Variants in RANBP17 observed in about 807,000 individuals in gnomAD.
RANBP17 encodes ran-binding protein 17.
In RANBP17, 158 loss-of-function variants were observed where a neutral mutation model predicts 141.2. The observed-to-expected ratio is 1.12, with a 90% CI of 0.98 to 1.28. The LOEUF (loss-of-function observed/expected upper bound fraction) is 1.28, where lower values mean the gene tolerates loss of function less well. Ranked by LOEUF, RANBP17 falls within the 50% of genes most tolerant of loss-of-function variation. RANBP17 has a pLI of 0.00. For synonymous variants in RANBP17, 430 were observed against 450.0 expected, an observed-to-expected ratio of 0.96 and a Z score of 0.56; for missense variants, 1,438 against 1,290.7, an observed-to-expected ratio of 1.11 and a Z score of -1.75.
chr5:171,083,050 A>G (rs945689925), intron 14 of RANBP17, among the ~76,000 whole-genome samples: 1 of 152,174 alleles, frequency 6.6e-6, no homozygotes, highest in Non-Finnish European at 1.5e-5. Flanking sequence ...AGAATAAAGT[A>G]TTCAATTTAA....
chr5:171,244,962 A>G (rs903211057), intron 24 of RANBP17, among the ~76,000 whole-genome samples: 4 of 151,904 alleles, frequency 2.6e-5, no homozygotes, highest in African/African-American at 9.7e-5. Flanking sequence ...CGTCTGTACT[A>G]AAAATACAAA....
chr5:170,911,347 AAAC>A, intron 7 of RANBP17: 5 of 574,606 alleles, frequency 8.7e-6, no homozygotes, highest in Non-Finnish European at 1.5e-5. Flanking sequence ...AAAAAAGAAA[AAAC>A]AAGGACTGCA....
intron 5 of RANBP17, chr5:170,904,343 T>C (rs989207620): frequency 7.8e-5 from 17 of 218,608 alleles, no homozygotes; most frequent in African/African-American, 4.0e-4. Context: ...GGAAGAAAGC[T>C]ATTTCACAGA....
intron 5 of RANBP17, among the ~76,000 whole-genome samples, chr5:170,909,167 G>T (rs1005333598): frequency 6.6e-6 from 1 of 151,778 alleles, no homozygotes; most frequent in African/African-American, 2.4e-5. Context: ...TCAGATTTCT[G>T]ATTATTTATA....
At chr5:171,060,656 A>G (rs1301008418) in intron 14 of RANBP17, among the ~76,000 whole-genome samples, 1 of 152,098 alleles carries the variant, frequency 6.6e-6, no homozygotes, top group Non-Finnish European at 1.5e-5. Flanking sequence ...AGGCTTTGGT[A>G]TCAGGATGAT....
chr5:171,296,939 A>T (rs149498987), intron 27 of RANBP17, among the ~76,000 whole-genome samples: 79 of 152,366 alleles, frequency 5.2e-4, no homozygotes, highest in Admixed American at 1.4e-3. Context: ...AATTAAAATT[A>T]AAAGTTTTTA....
Position 171,105,381 on chromosome 5 carries a change from CAAAAAAA to C in RANBP17, c.1711-64730_1711-64724del, listed in dbSNP as rs1167025699. On this transcript the variant is annotated intron_variant, in intron 14 of 27. Coordinates refer to ENST00000523189, the MANE Select transcript of RANBP17 (RefSeq NM_022897.5). ...TGGGCGACAGAGCGAGACTCCGTCTCAAAAAAAAAAAAAAAAAAAAAAAAATTTTCCT... is the reference window on the plus strand; with the variant it reads ...TGGGCGACAGAGCGAGACTCCGTCTCAAAAAAAAAAAAAAAAAATTTTCCT... Among the ~76,000 whole-genome samples the C allele has an allele frequency of 3.3e-4, 18 of 54,294 alleles. No homozygotes were observed. In the South Asian group the frequency reaches 0.017, roughly 50 times the overall value. The allele number at this position is 54,294 out of a possible 152,430, so 35.6% of individuals were successfully genotyped here. A position where few individuals can be genotyped will look rare whatever the true frequency, so the allele number is the denominator to read the frequency against.
chr5:171,069,108 A>G (rs761507823), intron 14 of RANBP17, among the ~76,000 whole-genome samples: 10 of 152,204 alleles, frequency 6.6e-5, no homozygotes, highest in Non-Finnish European at 1.5e-4. Flanking sequence ...GAGAAAAAAA[A>G]TAGGTGTTCT....
intron 14 of RANBP17, among the ~76,000 whole-genome samples, chr5:170,999,831 C>T (rs966650310): frequency 3.9e-5 from 6 of 152,110 alleles, no homozygotes; most frequent in African/African-American, 7.2e-5. Flanking sequence ...GTGCAACCAT[C>T]ACCACCATTC....
chr5:171,092,559 A>C (rs1274442509), intron 14 of RANBP17, among the ~76,000 whole-genome samples: 1 of 152,204 alleles, frequency 6.6e-6, no homozygotes, highest in Non-Finnish European at 1.5e-5. Flanking sequence ...GGGTGACCTT[A>C]CCCTGTTAAA....
At chr5:170,862,562 C>G (rs1345768248) in intron 1 of RANBP17, among the ~76,000 whole-genome samples, 1 of 152,136 alleles carries the variant, frequency 6.6e-6, no homozygotes, top group Non-Finnish European at 1.5e-5. Flanking sequence ...GCGGCGGCAG[C>G]GGTTGGACTT....
intron 14 of RANBP17, among the ~76,000 whole-genome samples, chr5:170,994,202 G>C (rs1435934008): frequency 1.3e-5 from 2 of 151,960 alleles, no homozygotes; most frequent in Non-Finnish European, 2.9e-5. Context: ...ACTCAGTTTG[G>C]AACTCAAAGC....
chr5:171,011,714 A>G (rs11740155), intron 14 of RANBP17, among the ~76,000 whole-genome samples: 3,518 of 152,050 alleles, frequency 0.023, 65 homozygotes, highest in Non-Finnish European at 0.037. Context: ...CCTCCTGAGA[A>G]CAAGAATATT....
chr5:170,967,283 A>G (rs1032515812), intron 13 of RANBP17, among the ~76,000 whole-genome samples: 2 of 152,108 alleles, frequency 1.3e-5, no homozygotes, highest in Admixed American at 1.3e-4. Context: ...TGGAAGACAT[A>G]TAAACTATTA....
intron 14 of RANBP17, among the ~76,000 whole-genome samples, chr5:171,109,415 C>T (rs1281120640): frequency 6.6e-6 from 1 of 152,144 alleles, no homozygotes; most frequent in East Asian, 1.9e-4. Flanking sequence ...AAAAAAGTTG[C>T]ACTGAGGTTT....
At position 170,968,283 on chromosome 5, in the gene RANBP17, G is replaced by T; in HGVS notation, c.1616G>T (p.Arg539Leu). The change falls in exon 14 of 28, where the codon CGA becomes CTA. Residue 539 changes from arginine (R) to leucine (L), a missense_variant. Coordinates refer to ENST00000523189, the MANE Select transcript of RANBP17 (RefSeq NM_022897.5). ...TCTTTAATGGATACCGGATTGCCTC[G>T]ATGTTGTAATGAGAAAATAGAGCTT... ...LISLMDTGLP[R>L]CCNEKIELAI... The T allele has an allele frequency of 2.5e-6, 4 of 1,604,374 alleles. No homozygotes were observed. Among genetic ancestry groups the T allele is most frequent in the Non-Finnish European group, 3.4e-6 (4 of 1,176,282 alleles).
chr5:171,036,908 A>G (rs577242747), intron 14 of RANBP17, among the ~76,000 whole-genome samples: 1 of 152,142 alleles, frequency 6.6e-6, no homozygotes, highest in African/African-American at 2.4e-5. Context: ...ATATGAGTAC[A>G]TGTGTTTTTT....
At chr5:171,089,317 C>T (rs1362660943) in intron 14 of RANBP17, among the ~76,000 whole-genome samples, 1 of 121,598 alleles carries the variant, frequency 8.2e-6, no homozygotes, top group South Asian at 3.7e-4. Context: ...TCTGCCCGTT[C>T]TCAGATCTCC....
chr5:171,158,746 G>T (rs1759082504), intron 14 of RANBP17, among the ~76,000 whole-genome samples: 1 of 151,072 alleles, frequency 6.6e-6, no homozygotes, highest in Non-Finnish European at 1.5e-5. Flanking sequence ...ATGTTTTCAT[G>T]CTTGTTGGTG....
Sources: gnomAD v4.1 joint callset for allele counts (sites outside exome capture counted in the v4.1 genomes callset) on GRCh38, gnomAD v4.1.1 for gene constraint, MANE v1.5 for transcripts, NCBI Gene and HGNC (gene_info 2026-07-23, HGNC 2026-07-21) for gene names.